Variants in GRXCR1 observed in about 807,000 individuals in gnomAD.
GRXCR1 encodes glutaredoxin and cysteine rich domain containing 1.
GRXCR1 carries 27 observed loss-of-function variants against 27.3 expected under a neutral mutation model. The ratio of observed to expected loss-of-function variants is 0.99; its 90% CI spans 0.73 to 1.37. GRXCR1 has a LOEUF of 1.37. GRXCR1 is among the 40% of genes most tolerant of loss of function. GRXCR1 has a pLI of 0.00. For missense variants in GRXCR1, 379 were observed against 354.4 expected (o/e 1.07, Z -0.56); for synonymous variants, 122 against 131.1 (o/e 0.93, Z 0.47).
At chr4:43,016,654 T>C (rs1712940574) in intron 2 of GRXCR1, among the ~76,000 whole-genome samples, 1 of 152,038 alleles carries the variant, frequency 6.6e-6, no homozygotes, top group Non-Finnish European at 1.5e-5. Context: ...TGTGTGTGTG[T>C]GTGCATGTGT....
rs1299116218 is a variant in GRXCR1 at position 43,030,350 on chromosome 4, A to G, written c.694-11A>G. The G allele has an allele frequency of 1.2e-6, 2 of 1,612,860 alleles. No homozygotes were observed. The highest frequency in any genetic ancestry group is 1.7e-5 in the Admixed American group (1 of 59,988). On this transcript the variant is annotated splice_polypyrimidine_tract_variant and intron_variant, in intron 3 of 3. Coordinates refer to ENST00000399770, the MANE Select transcript of GRXCR1 (RefSeq NM_001080476.3). Reference sequence around the variant, plus strand: ...CTCTGTTTTCTCTTGTTCCCCTGCCACCTTATACAGAGAGTACAGCATCCA... The same window carrying G: ...CTCTGTTTTCTCTTGTTCCCCTGCCGCCTTATACAGAGAGTACAGCATCCA...
intron 1 of GRXCR1, among the ~76,000 whole-genome samples, chr4:42,906,044 T>C (rs1431706787): frequency 2.0e-5 from 3 of 152,214 alleles, no homozygotes; most frequent in Non-Finnish European, 4.4e-5. Context: ...TGTACATTTT[T>C]TCTGCCTGTC....
rs1466345427 is a variant in GRXCR1 at position 42,930,064 on chromosome 4, C to T, written c.385-32828C>T. Among the ~76,000 whole-genome samples, 3 of 151,976 alleles carry T rather than the reference C, an allele frequency of 2.0e-5. No individual in the cohort carries two copies. In the East Asian group the frequency reaches 5.8e-4, roughly 30 times the overall value. ...TCTCAGTAGATTCTCTCTGTCCATT[C>T]TTGATCTCATTTCTGTTGATCAGCC... On this transcript the variant is annotated intron_variant, in intron 1 of 3. Transcript: ENST00000399770.
At chr4:43,011,328 T>C (rs1034549653) in intron 2 of GRXCR1, among the ~76,000 whole-genome samples, 2 of 152,236 alleles carry the variant, frequency 1.3e-5, no homozygotes, top group Non-Finnish European at 2.9e-5. Context: ...CTTTGACTTC[T>C]AGTTGGATTT....
At chr4:42,980,209 C>T (rs1223253268) in intron 2 of GRXCR1, among the ~76,000 whole-genome samples, 2 of 151,852 alleles carry the variant, frequency 1.3e-5, no homozygotes, top group African/African-American at 2.4e-5. Flanking sequence ...TCTTGTACAT[C>T]TTGTTTCTTG....
intron 2 of GRXCR1, among the ~76,000 whole-genome samples, chr4:43,011,006 A>G (rs572791811): frequency 2.0e-5 from 3 of 152,272 alleles, no homozygotes; most frequent in Admixed American, 2.0e-4. Flanking sequence ...AGGAGACAGG[A>G]TTTCATGTGG....
At chr4:43,010,592 ATGGGGG>A (rs920855392) in intron 2 of GRXCR1, among the ~76,000 whole-genome samples, 1 of 151,912 alleles carries the variant, frequency 6.6e-6, no homozygotes, top group African/African-American at 2.4e-5. Context: ...TGAAGAATGG[ATGGGGG>A]TGGGGTGGGG....
chr4:42,947,610 A>G (rs545829465), intron 1 of GRXCR1, among the ~76,000 whole-genome samples: 2 of 152,286 alleles, frequency 1.3e-5, no homozygotes, highest in African/African-American at 4.8e-5. Context: ...CAATAATTTC[A>G]TTAGATTGCC....
At chr4:42,911,244 G>A (rs1345625972) in intron 1 of GRXCR1, among the ~76,000 whole-genome samples, 2 of 152,078 alleles carry the variant, frequency 1.3e-5, no homozygotes, top group Admixed American at 6.5e-5. Flanking sequence ...CTAATTTTAG[G>A]CCATTCCAAA....
chr4:42,936,802 T>C (rs761877876), intron 1 of GRXCR1, among the ~76,000 whole-genome samples: 5 of 151,908 alleles, frequency 3.3e-5, no homozygotes, highest in Non-Finnish European at 7.4e-5. Flanking sequence ...AATTAGATTA[T>C]GGTTATGTGT....
In GRXCR1 at chr4:42,893,502, G is replaced by A. The variant is rs886059416; in HGVS notation, c.236G>A (p.Ser79Asn). 24 of 1,613,720 alleles carry A rather than the reference G, an allele frequency of 1.5e-5. No individual in the cohort carries two copies. The highest frequency in any genetic ancestry group is 1.9e-5 in the Non-Finnish European group (23 of 1,179,828). ...EGDENENDQD[S>N]LLVLARAASE... ...GATGAGAATGAGAATGACCAGGATA[G>A]CTTGCTGGTGTTAGCAAGGGCTGCC... Residue 79 changes from serine (S) to asparagine (N), a missense_variant, in exon 1 of 4, where the codon AGC becomes AAC. Coordinates refer to ENST00000399770, the MANE Select transcript of GRXCR1 (RefSeq NM_001080476.3).
At chr4:42,963,184 G>T (rs367828833) in intron 2 of GRXCR1, 50 bp downstream of exon 2, 37 of 1,596,374 alleles carry the variant, frequency 2.3e-5, no homozygotes, top group Non-Finnish European at 3.2e-5. Flanking sequence ...AACCAGGGCT[G>T]ATAGAAATCT....
intron 1 of GRXCR1, among the ~76,000 whole-genome samples, chr4:42,930,636 GAACATAA>G (rs1747284437): frequency 1.3e-5 from 2 of 151,866 alleles, no homozygotes; most frequent in Admixed American, 1.3e-4. Flanking sequence ...TCTTAGATTG[GAACATAA>G]TGTAGTCATC....
chr4:42,987,240 TA>T lies in GRXCR1; in HGVS notation c.627+24108del, dbSNP rs372513341. On this transcript the variant is annotated intron_variant, in intron 2 of 3. Coordinates refer to ENST00000399770, the MANE Select transcript of GRXCR1 (RefSeq NM_001080476.3). ...ATATATATTATATATTATATATATA[TA>T]ATATATAATATATATATATAATATA... 1.5e-3 allele frequency among the ~76,000 whole-genome samples: 92 copies of T among 63,052 alleles called. 1 individual carries two copies. The highest frequency in any genetic ancestry group is 3.2e-3 in the African/African-American group (61 of 19,340). The allele number at this position is 63,052 out of a possible 152,430, so 41.4% of individuals were successfully genotyped here.
chr4:42,932,603 TATATATATATATATATAG>T (rs1237204534), intron 1 of GRXCR1, among the ~76,000 whole-genome samples: 137 of 59,310 alleles, frequency 2.3e-3, no homozygotes, highest in Non-Finnish European at 3.4e-3. Context: ...TATATATATA[TATATATATATATATATAG>T]AGAGAGAGAG....
intron 1 of GRXCR1, among the ~76,000 whole-genome samples, chr4:42,952,978 G>T (rs939789541): frequency 6.6e-6 from 1 of 152,056 alleles, no homozygotes; most frequent in Admixed American, 6.6e-5. Flanking sequence ...GAATTTGAGC[G>T]GTCCTACGTC....
At chr4:42,984,370 G>A (rs1040339880) in intron 2 of GRXCR1, among the ~76,000 whole-genome samples, 11 of 151,810 alleles carry the variant, frequency 7.2e-5, no homozygotes, top group African/African-American at 1.2e-4. Context: ...ATCTTCATCC[G>A]GCAGTTCATC....
chr4:42,990,577 A>T (rs1282014786), intron 2 of GRXCR1, among the ~76,000 whole-genome samples: 1 of 152,098 alleles, frequency 6.6e-6, no homozygotes, highest in Non-Finnish European at 1.5e-5. Context: ...TATTATAGTT[A>T]GAGTTGGTAA....
intron 2 of GRXCR1, among the ~76,000 whole-genome samples, chr4:42,975,056 G>T (rs1043616677): frequency 6.6e-6 from 1 of 151,942 alleles, no homozygotes; most frequent in African/African-American, 2.4e-5. Context: ...TACCTCAGTG[G>T]GACTCCTATG....
Sources: allele counts gnomAD v4.1 joint callset (sites outside exome capture counted in the v4.1 genomes callset), GRCh38; gene constraint gnomAD v4.1.1; transcripts MANE v1.5; gene names NCBI Gene and HGNC (gene_info 2026-07-23, HGNC 2026-07-21).